The following DTWD2 variants were observed in gnomAD, a reference collection of about 807,000 sequenced individuals.
DTWD2 encodes tRNA-uridine aminocarboxypropyltransferase 2.
DTWD2 carries 39 observed loss-of-function variants against 31.8 expected under a neutral mutation model. The ratio of observed to expected loss-of-function variants is 1.22; its 90% CI spans 0.95 to 1.60. DTWD2 has a LOEUF of 1.60. Among genes scored for constraint, DTWD2 ranks in the 40% most tolerant of loss-of-function variants. DTWD2 has a pLI of 0.00. For synonymous variants in DTWD2, 180 were observed against 142.8 expected, an observed-to-expected ratio of 1.26 and a Z score of -1.86; for missense variants, 515 against 381.5, an observed-to-expected ratio of 1.35 and a Z score of -2.92.
At chr5:118,896,045 TA>T (rs879847515) in intron 4 of DTWD2, among the ~76,000 whole-genome samples, 4 of 152,188 alleles carry the variant, frequency 2.6e-5, no homozygotes, top group African/African-American at 9.6e-5. Flanking sequence ...TTACTGAATA[TA>T]AAAAAATAAT....
At chr5:118,871,921 A>T (rs185318658) in intron 4 of DTWD2, among the ~76,000 whole-genome samples, 1 of 152,220 alleles carries the variant, frequency 6.6e-6, no homozygotes, top group Non-Finnish European at 1.5e-5. Context: ...TGTCTACATT[A>T]AAAACCTACT....
At chr5:118,913,253 C>T (rs1317567019) in intron 4 of DTWD2, among the ~76,000 whole-genome samples, 7 of 151,844 alleles carry the variant, frequency 4.6e-5, no homozygotes, top group Non-Finnish European at 7.4e-5. Flanking sequence ...GAAAGTACTC[C>T]AACCTGGAGC....
chr5:118,898,965 T>C (rs1422153000), intron 4 of DTWD2, among the ~76,000 whole-genome samples: 5 of 152,232 alleles, frequency 3.3e-5, no homozygotes, highest in African/African-American at 1.2e-4. Flanking sequence ...CTAAAATTTA[T>C]GTATAAACCC....
At chr5:118,943,668 G>A (rs1754261797) in intron 2 of DTWD2, among the ~76,000 whole-genome samples, 1 of 152,162 alleles carries the variant, frequency 6.6e-6, no homozygotes, top group South Asian at 2.1e-4. Context: ...TACCCGGGAG[G>A]CAGAGATTGC....
intron 3 of DTWD2, among the ~76,000 whole-genome samples, chr5:118,932,181 A>AAAC (rs988617723): frequency 6.6e-6 from 1 of 151,856 alleles, no homozygotes; most frequent in Admixed American, 6.6e-5. Context: ...ACAACAACAA[A>AAAC]AACAACAACA....
chr5:118,973,792 C>A, intron 1 of DTWD2: 1 of 1,611,874 alleles, frequency 6.2e-7, no homozygotes, highest in Non-Finnish European at 8.5e-7. Flanking sequence ...CGGCGTGCCC[C>A]ACCATGTCAG....
chr5:118,981,912 G>T (rs887343138), intron 1 of DTWD2, among the ~76,000 whole-genome samples: 1 of 152,168 alleles, frequency 6.6e-6, no homozygotes, highest in African/African-American at 2.4e-5. Flanking sequence ...CTTACTACAT[G>T]CAAGAAAAAC....
chr5:118,924,892 G>A (rs924578561), intron 4 of DTWD2, among the ~76,000 whole-genome samples: 3 of 152,102 alleles, frequency 2.0e-5, no homozygotes, highest in African/African-American at 7.2e-5. Context: ...TATCTAAGAT[G>A]CCAATACTTA....
intron 4 of DTWD2, among the ~76,000 whole-genome samples, chr5:118,857,233 G>A (rs779329413): frequency 6.6e-6 from 1 of 152,092 alleles, no homozygotes; most frequent in Non-Finnish European, 1.5e-5. Flanking sequence ...GTGTGTGGGG[G>A]TGTGTATATG....
intron 1 of DTWD2, among the ~76,000 whole-genome samples, chr5:118,980,112 A>G (rs1046142509): frequency 6.6e-6 from 1 of 152,218 alleles, no homozygotes; most frequent in African/African-American, 2.4e-5. Flanking sequence ...TTTGTGACTG[A>G]GACAATAACC....
At chr5:118,944,696 A>G (rs1271710719) in intron 1 of DTWD2, 47 bp from the exon 2 acceptor site, 17 of 1,569,998 alleles carry the variant, frequency 1.1e-5, no homozygotes, top group Non-Finnish European at 1.4e-5. Context: ...TAAAAATACA[A>G]TGATATAACA....
chr5:118,985,739 T>A (rs1755413037), intron 1 of DTWD2, among the ~76,000 whole-genome samples: 1 of 151,988 alleles, frequency 6.6e-6, no homozygotes, highest in Non-Finnish European at 1.5e-5. Context: ...ATAATTTAAA[T>A]AAGAATGTTT....
intron 1 of DTWD2, among the ~76,000 whole-genome samples, chr5:118,945,770 AAAAAAAAGAAAG>A (rs1754321509): frequency 2.4e-5 from 3 of 123,080 alleles, no homozygotes; most frequent in African/African-American, 1.5e-4. Flanking sequence ...AACTCAAAAA[AAAAAAAAGAAAG>A]AAAGAAAGAA....
chr5:118,856,724 A>G (rs955737658), intron 4 of DTWD2, among the ~76,000 whole-genome samples: 3 of 148,670 alleles, frequency 2.0e-5, no homozygotes, highest in African/African-American at 7.4e-5. Flanking sequence ...CAGTTTATAA[A>G]GCTATTTTAT....
chr5:118,943,702 T>A (rs1467112625), intron 2 of DTWD2, among the ~76,000 whole-genome samples: 1 of 152,156 alleles, frequency 6.6e-6, no homozygotes, highest in Non-Finnish European at 1.5e-5. Flanking sequence ...TGTACCACTG[T>A]ACTCCAGCCT....
chr5:118,867,163 A>T (rs1007635113), intron 4 of DTWD2, among the ~76,000 whole-genome samples: 1 of 152,170 alleles, frequency 6.6e-6, no homozygotes, highest in East Asian at 1.9e-4. Context: ...GAAACAGACA[A>T]GCATATTACA....
At chr5:118,862,075 G>A (rs1752272522) in intron 4 of DTWD2, among the ~76,000 whole-genome samples, 1 of 152,236 alleles carries the variant, frequency 6.6e-6, no homozygotes, top group South Asian at 2.1e-4. Flanking sequence ...CCTTCTGTCA[G>A]ATCCACCACA....
intron 1 of DTWD2, among the ~76,000 whole-genome samples, chr5:118,948,946 G>A (rs1230250040): frequency 6.6e-6 from 1 of 152,154 alleles, no homozygotes; most frequent in East Asian, 1.9e-4. Flanking sequence ...AGGAGTTGTT[G>A]CTTTGTAGAA....
At chr5:118,882,333 C>T (rs981246841) in intron 4 of DTWD2, among the ~76,000 whole-genome samples, 4 of 152,206 alleles carry the variant, frequency 2.6e-5, no homozygotes, top group East Asian at 1.9e-4. Context: ...GGGCACAGTC[C>T]CTACGGCTGC....
Sources: allele counts gnomAD v4.1 joint callset (sites outside exome capture counted in the v4.1 genomes callset), GRCh38; gene constraint gnomAD v4.1.1; transcripts MANE v1.5; gene names NCBI Gene and HGNC (gene_info 2026-07-23, HGNC 2026-07-21).